CFAP20DC: variants seen among roughly 807,000 people sequenced by gnomAD.
CFAP20DC encodes the protein CFAP20 domain containing, also known as protein CFAP20DC.
A neutral mutation model predicts 101.7 loss-of-function variants in CFAP20DC; 84 were observed. That is an observed-to-expected ratio of 0.83 (90% CI 0.69 to 0.99). The LOEUF (loss-of-function observed/expected upper bound fraction) is 0.99. CFAP20DC is among the 50% of genes least tolerant of loss of function. The pLI is 0.00. For missense variants in CFAP20DC, 1,007 were observed against 970.3 expected (o/e 1.04, Z -0.50); for synonymous variants, 359 against 351.2 (o/e 1.02, Z -0.25).
chr3:58,840,283 A>C (rs2077011649), intron 13 of CFAP20DC, among the ~76,000 whole-genome samples: 1 of 152,226 alleles, frequency 6.6e-6, no homozygotes. Flanking sequence ...AGCTATTGGT[A>C]GGAGTGTCCC....
intron 7 of CFAP20DC, among the ~76,000 whole-genome samples, chr3:58,883,323 T>C (rs992250016): frequency 1.3e-5 from 2 of 152,216 alleles, no homozygotes; most frequent in African/African-American, 4.8e-5. Flanking sequence ...ATCTCTGCTA[T>C]CACTTGATTT....
chr3:59,028,812 C>G (rs775746954), intron 4 of CFAP20DC, among the ~76,000 whole-genome samples: 1 of 152,166 alleles, frequency 6.6e-6, no homozygotes, highest in Non-Finnish European at 1.5e-5. Context: ...GTCATAAGTG[C>G]TTAATGTTAG....
Position 59,039,551 on chromosome 3 carries a change from T to A in CFAP20DC, c.278+6A>T. Reference sequence around the variant, plus strand: ...AAAACATTCAAAGAAGTTCTGTATATCTTACAGCAATTCAGTGGAGAAGTC... The same window carrying A: ...AAAACATTCAAAGAAGTTCTGTATAACTTACAGCAATTCAGTGGAGAAGTC... On this transcript the variant is annotated splice_donor_region_variant and intron_variant, in intron 4 of 16. Coordinates refer to ENST00000482387, the MANE Select transcript of CFAP20DC (RefSeq NM_001394063.1). 4.0e-6 allele frequency: 6 copies of A among 1,495,928 alleles called. No individual in the cohort carries two copies. The highest frequency in any genetic ancestry group is 5.4e-6 in the Non-Finnish European group (6 of 1,113,006). 92.7% of individuals were successfully genotyped at this position (1,495,928 alleles called of 1,614,324 possible).
chr3:58,999,318 C>T (rs1222101948), intron 4 of CFAP20DC, among the ~76,000 whole-genome samples: 4 of 152,038 alleles, frequency 2.6e-5, no homozygotes, highest in African/African-American at 7.2e-5. Flanking sequence ...TGAAAAATGC[C>T]GACTAGAGAT....
At chr3:58,917,530 T>C (rs986677189) in intron 5 of CFAP20DC, among the ~76,000 whole-genome samples, 3 of 152,178 alleles carry the variant, frequency 2.0e-5, no homozygotes, top group African/African-American at 4.8e-5. Flanking sequence ...AATCCTAAAG[T>C]ACATCTCTTC....
At chr3:58,813,985 G>C (rs1329614750) in intron 14 of CFAP20DC, among the ~76,000 whole-genome samples, 1 of 151,840 alleles carries the variant, frequency 6.6e-6, no homozygotes, top group African/African-American at 2.4e-5. Flanking sequence ...AAATTAGCAA[G>C]CAAAGGGCCT....
At chr3:58,896,426 C>T (rs1036976894) in intron 6 of CFAP20DC, among the ~76,000 whole-genome samples, 1 of 152,036 alleles carries the variant, frequency 6.6e-6, no homozygotes, top group Non-Finnish European at 1.5e-5. Context: ...CTCCTGCTAG[C>T]TTTGGGGTTT....
At chr3:58,910,252 C>T (rs1331626736) in intron 6 of CFAP20DC, among the ~76,000 whole-genome samples, 6 of 152,110 alleles carry the variant, frequency 3.9e-5, no homozygotes, top group South Asian at 2.1e-4. Flanking sequence ...ATCCTATATA[C>T]TTCTTTTTCT....
chr3:59,022,489 T>G (rs974778756), intron 4 of CFAP20DC, among the ~76,000 whole-genome samples: 7 of 152,118 alleles, frequency 4.6e-5, no homozygotes, highest in Non-Finnish European at 1.0e-4. Flanking sequence ...AATCCTTGCT[T>G]GTAGCATATC....
intron 15 of CFAP20DC, among the ~76,000 whole-genome samples, chr3:58,762,996 GAA>G (rs1295602960): frequency 6.6e-6 from 1 of 152,140 alleles, no homozygotes; most frequent in African/African-American, 2.4e-5. Flanking sequence ...CAACTTTGGT[GAA>G]TCTGACAATG....
At chr3:59,048,754 T>C (rs1288107602) in intron 1 of CFAP20DC, among the ~76,000 whole-genome samples, 1 of 151,948 alleles carries the variant, frequency 6.6e-6, no homozygotes, top group Non-Finnish European at 1.5e-5. Context: ...AGAGAACTGA[T>C]TAGATACAGT....
At chr3:59,048,740 G>C (rs939725072) in intron 1 of CFAP20DC, among the ~76,000 whole-genome samples, 2 of 152,250 alleles carry the variant, frequency 1.3e-5, no homozygotes, top group Middle Eastern at 3.4e-3. Flanking sequence ...AGGTGGAGAC[G>C]GGTAGAGAAC....
chr3:58,958,599 T>C (rs1408368018), intron 4 of CFAP20DC, among the ~76,000 whole-genome samples: 1 of 152,226 alleles, frequency 6.6e-6, no homozygotes, highest in Non-Finnish European at 1.5e-5. Context: ...AGTTTCATTC[T>C]CTTCACATCC....
chr3:58,731,103 A>G (rs1195929346), intron 3 of CFAP20DC, among the ~76,000 whole-genome samples: 3 of 152,226 alleles, frequency 2.0e-5, no homozygotes, highest in Non-Finnish European at 2.9e-5. Flanking sequence ...GGAGAAAAAA[A>G]TTACACTAAT....
At position 59,015,599 on chromosome 3, in the gene CFAP20DC, T is replaced by A. The variant is rs564377398; in HGVS notation, c.278+23958A>T. 6.6e-6 allele frequency among the ~76,000 whole-genome samples: 1 copy of A among 151,508 alleles called. No homozygotes were observed. Among genetic ancestry groups the A allele is most frequent in the East Asian group, 2.0e-4 (1 of 5,096 alleles). On this transcript the variant is annotated intron_variant, in intron 4 of 16. Coordinates refer to ENST00000482387, the MANE Select transcript of CFAP20DC (RefSeq NM_001394063.1). The surrounding 1 kb of genome is among the most constrained non-coding windows in gnomAD (Gnocchi z 5.4). ...GTGGAGGAGGAAGAAGGGCTATAGA[T>A]CCCTAGAAACAGCATATCTAATCCT...
intron 16 of CFAP20DC, among the ~76,000 whole-genome samples, chr3:58,744,744 G>T (rs2068079038): frequency 6.6e-6 from 1 of 152,128 alleles, no homozygotes; most frequent in Non-Finnish European, 1.5e-5. Flanking sequence ...TCAACAGGTG[G>T]AAGCTAAGAG....
intron 7 of CFAP20DC, among the ~76,000 whole-genome samples, chr3:58,879,379 G>A (rs1004563257): frequency 6.6e-6 from 1 of 152,154 alleles, no homozygotes; most frequent in Admixed American, 6.5e-5. Context: ...TGTGAAAGAG[G>A]ATTAAATGTA....
chr3:58,955,029 A>G (rs1438565502), intron 4 of CFAP20DC, among the ~76,000 whole-genome samples: 1 of 152,114 alleles, frequency 6.6e-6, no homozygotes, highest in Non-Finnish European at 1.5e-5. Context: ...TATAATTTAC[A>G]TGCCACAAAA....
At chr3:58,812,542 C>G (rs1424528258) in intron 14 of CFAP20DC, among the ~76,000 whole-genome samples, 2 of 150,188 alleles carry the variant, frequency 1.3e-5, no homozygotes, top group South Asian at 4.2e-4. Context: ...ACATCACAGT[C>G]TGGGGACTGT....
Sources: allele counts gnomAD v4.1 joint callset (sites outside exome capture counted in the v4.1 genomes callset), GRCh38; gene constraint gnomAD v4.1.1; non-coding constraint Gnocchi (gnomAD v3.1); transcripts MANE v1.5; gene names NCBI Gene and HGNC (gene_info 2026-07-23, HGNC 2026-07-21).